SERPINA12: variants seen among roughly 807,000 people sequenced by gnomAD.
SERPINA12 encodes the protein serpin family A member 12.
SERPINA12 carries 21 observed loss-of-function variants against 25.9 expected under a neutral mutation model. The ratio of observed to expected loss-of-function variants is 0.81; its 90% CI spans 0.58 to 1.17. SERPINA12 has a LOEUF of 1.17. Among genes scored for constraint, SERPINA12 ranks in the 50% most tolerant of loss-of-function variants. The probability of loss-of-function intolerance (pLI) is 0.00; values close to 1 mark genes in which losing one functional copy is unlikely to be tolerated. For missense variants in SERPINA12, 562 were observed against 508.3 expected (o/e 1.11, Z -1.02); for synonymous variants, 220 against 196.0 (o/e 1.12, Z -1.02).
intron 1 of SERPINA12, among the ~76,000 whole-genome samples, chr14:94,501,604 G>A (rs1296439544): frequency 6.6e-6 from 1 of 151,438 alleles, no homozygotes; most frequent in Non-Finnish European, 1.5e-5. Flanking sequence ...GGGAGGTGGT[G>A]ATAATTTGGT....
chr14:94,517,239 C>G (rs1277176593), intron 1 of SERPINA12, among the ~76,000 whole-genome samples: 1 of 152,226 alleles, frequency 6.6e-6, no homozygotes, highest in African/African-American at 2.4e-5. Context: ...GCAGGGAGCA[C>G]AGTGGAGGGT....
chr14:94,489,582 G>A, intron 4 of SERPINA12, 38 bp downstream of exon 4: 1 of 1,607,848 alleles, frequency 6.2e-7, no homozygotes, highest in African/African-American at 1.3e-5. Flanking sequence ...GAAGGCCCCT[G>A]TGCTGCAGGG....
At chr14:94,487,646 C>A in intron 4 of SERPINA12, 152 bp from the exon 5 acceptor site, 1 of 538,394 alleles carries the variant, frequency 1.9e-6, no homozygotes, top group Non-Finnish European at 3.2e-6. Flanking sequence ...CTGGCTCTTT[C>A]GCCATTAATG....
intron 1 of SERPINA12, among the ~76,000 whole-genome samples, chr14:94,499,395 G>A (rs567181408): frequency 6.6e-6 from 1 of 152,240 alleles, no homozygotes; most frequent in Non-Finnish European, 1.5e-5. Context: ...TTTTAGCTAC[G>A]TTTTCCCTTA....
upstream of SERPINA12, chr14:94,509,958 G>A (rs1901065632): frequency 1.0e-6 from 1 of 984,854 alleles, no homozygotes. Context: ...CAGCCGCCTG[G>A]CACAGATGTT....
chr14:94,506,111 G>A (rs1900923089), intron 1 of SERPINA12, among the ~76,000 whole-genome samples: 1 of 152,220 alleles, frequency 6.6e-6, no homozygotes, highest in African/African-American at 2.4e-5. Flanking sequence ...TTCATCAGGG[G>A]CTAGAAGGAT....
chr14:94,505,303 C>A (rs1900892365), intron 1 of SERPINA12, among the ~76,000 whole-genome samples: 1 of 152,210 alleles, frequency 6.6e-6, no homozygotes, highest in African/African-American at 2.4e-5. Flanking sequence ...CAGCCACAGA[C>A]TCTATGCACT....
At chr14:94,502,755 C>T (rs1286596721) in intron 1 of SERPINA12, among the ~76,000 whole-genome samples, 1 of 152,228 alleles carries the variant, frequency 6.6e-6, no homozygotes, top group Non-Finnish European at 1.5e-5. Flanking sequence ...ATGCTTTGGA[C>T]AAGTTCCCAT....
chr14:94,504,049 A>G (rs1900843870), intron 1 of SERPINA12: 1 of 152,210 alleles, frequency 6.6e-6, no homozygotes, highest in Non-Finnish European at 1.5e-5. Flanking sequence ...ACAGTGCTAC[A>G]TCCTCCCTCG....
intron 4 of SERPINA12, among the ~76,000 whole-genome samples, chr14:94,489,124 G>A (rs1243600512): frequency 7.1e-6 from 1 of 141,776 alleles, no homozygotes; most frequent in Non-Finnish European, 1.5e-5. Flanking sequence ...AGAAAGGAAG[G>A]AAGGAAGGAA....
chr14:94,489,758 G>T lies in SERPINA12; in HGVS notation c.915C>A (p.Asp305Glu). 2 of 1,614,008 alleles carry T rather than the reference G, an allele frequency of 1.2e-6. No individual in the cohort carries two copies. Among genetic ancestry groups the T allele is most frequent in the Non-Finnish European group, 1.7e-6 (2 of 1,179,918 alleles). The change falls in exon 4 of 5, where the codon GAC (aspartate) becomes GAA (glutamate). Residue 305 changes from aspartate (D) to glutamate (E), a missense_variant. Transcript: ENST00000677451. ...TCATGTGGAGTCTGGGTACAGACAC[G>T]TCTACGACCCTGGGGAATTGACACG... ...WKTLLSRRVVDVSVPRLHMTG... is the reference protein window; with the variant it reads ...WKTLLSRRVVEVSVPRLHMTG...
chr14:94,516,423 T>A (rs1421496002), intron 1 of SERPINA12, among the ~76,000 whole-genome samples: 3 of 152,124 alleles, frequency 2.0e-5, no homozygotes, highest in Admixed American at 1.3e-4. Flanking sequence ...CCGGTGTTCC[T>A]CACCTGACCT....
rs1394167568 is a variant in SERPINA12, at chr14:94,499,376, A to C, written c.-33-946T>G. 3.3e-5 allele frequency among the ~76,000 whole-genome samples: 5 copies of C among 152,164 alleles called. No individual in the cohort carries two copies. In the East Asian group the frequency reaches 9.6e-4, roughly 29 times the overall value. On this transcript the variant is annotated intron_variant, in intron 1 of 4. Coordinates refer to ENST00000677451, the MANE Select transcript of SERPINA12 (RefSeq NM_001382267.1). ...CCAACGGCCACTGTGAGCTTCTGGG[A>C]GACAAGACTTTTAGCTACGTTTTCC...
intron 2 of SERPINA12, among the ~76,000 whole-genome samples, chr14:94,514,498 A>G (rs1177776790): frequency 6.6e-6 from 1 of 152,190 alleles, no homozygotes; most frequent in Non-Finnish European, 1.5e-5. Flanking sequence ...CTTAGAACTC[A>G]ATGCAAGAAG....
chr14:94,507,680 A>T (rs1299880184), intron 1 of SERPINA12, among the ~76,000 whole-genome samples: 1 of 152,240 alleles, frequency 6.6e-6, no homozygotes, highest in East Asian at 1.9e-4. Context: ...AGCTCAGATT[A>T]AAAGGACCAG....
upstream of SERPINA12, chr14:94,511,731 A>C: frequency 2.0e-6 from 2 of 985,246 alleles, no homozygotes; most frequent in Non-Finnish European, 2.4e-6. Context: ...AGCAGATTGA[A>C]TGTCTATAAT....
chr14:94,516,089 C>A (rs74077748), exon 2 of SERPINA12: 14,080 of 152,560 alleles, frequency 0.092, 787 homozygotes, highest in African/African-American at 0.14. Flanking sequence ...TGTGCTGGCT[C>A]TGTTCTTGCT....
intron 1 of SERPINA12, among the ~76,000 whole-genome samples, chr14:94,516,692 A>G (rs61978269): frequency 0.11 from 17,016 of 152,244 alleles, 1,174 homozygotes; most frequent in Middle Eastern, 0.21. Flanking sequence ...TATCACCCCC[A>G]ACATCTTCCA....
At chr14:94,490,016 T>G (rs1900097033) in intron 3 of SERPINA12, among the ~76,000 whole-genome samples, 1 of 151,674 alleles carries the variant, frequency 6.6e-6, no homozygotes, top group Non-Finnish European at 1.5e-5. Flanking sequence ...TGTTCTCAAG[T>G]CTCAAGTTCC....
Sources: allele counts gnomAD v4.1 joint callset (sites outside exome capture counted in the v4.1 genomes callset), GRCh38; gene constraint gnomAD v4.1.1; transcripts MANE v1.5; gene names NCBI Gene and HGNC (gene_info 2026-07-23, HGNC 2026-07-21).